TPMT: variants seen among roughly 807,000 people sequenced by gnomAD.
TPMT encodes thiopurine S-methyltransferase, also known as S-adenosyl-L-methionine:thiopurine S-methyltransferase.
A neutral mutation model predicts 34.2 loss-of-function variants in TPMT; 18 were observed. The ratio of observed to expected loss-of-function variants is 0.53; its 90% CI spans 0.36 to 0.78. The LOEUF is 0.78. Among genes scored for constraint, TPMT ranks in the 30% least tolerant of loss-of-function variants. The pLI, the probability that TPMT is intolerant of heterozygous loss-of-function variation, is 0.00. For missense variants in TPMT, 265 were observed against 288.1 expected (o/e 0.92, Z 0.58); for synonymous variants, 69 against 92.4 (o/e 0.75, Z 1.45).
At chr6:18,144,448 G>A (rs1049197528) in intron 3 of TPMT, among the ~76,000 whole-genome samples, 3 of 152,044 alleles carry the variant, frequency 2.0e-5, no homozygotes, top group South Asian at 2.1e-4. Flanking sequence ...GCACAATCTC[G>A]GCTCACTGCA....
At chr6:18,142,158 T>C (rs149453710) in intron 4 of TPMT, among the ~76,000 whole-genome samples, 405 of 151,898 alleles carry the variant, frequency 2.7e-3, no homozygotes, top group Middle Eastern at 6.9e-3. Flanking sequence ...CTCTCGGAAG[T>C]CCCCTCTCTC....
In TPMT at chr6:18,129,745, T is replaced by A. The variant is rs1783900616; in HGVS notation, c.*923A>T. 1 of 152,200 alleles carries A rather than the reference T, an allele frequency of 6.6e-6. No individual in the cohort carries two copies. Among genetic ancestry groups the A allele is most frequent in the South Asian group, 2.1e-4 (1 of 4,834 alleles). 9.4% of individuals were successfully genotyped at this position (152,200 alleles called of 1,614,324 possible). ...TAAAGAAAAATTTATTCTTAGAATTTGGGAATGTTTGTTCCATATAGATTG... is the reference window on the plus strand; with the variant it reads ...TAAAGAAAAATTTATTCTTAGAATTAGGGAATGTTTGTTCCATATAGATTG... On this transcript the variant is annotated 3_prime_UTR_variant, in exon 9 of 9. Coordinates refer to ENST00000309983, the MANE Select transcript of TPMT (RefSeq NM_000367.5).
At position 18,133,795 on chromosome 6, in the gene TPMT, C is replaced by T; in HGVS notation, c.580+9G>A. On this transcript the variant is annotated intron_variant, in intron 7 of 8. Coordinates refer to ENST00000309983, the MANE Select transcript of TPMT (RefSeq NM_000367.5). ...GGTAAAAGAAAAAAAAAAAACCCAACAACTTTACCTGGATGTTTAGTTGGA... is the reference window on the plus strand; with the variant it reads ...GGTAAAAGAAAAAAAAAAAACCCAATAACTTTACCTGGATGTTTAGTTGGA... 2.1e-6 allele frequency: 3 copies of T among 1,451,330 alleles called. No homozygotes were observed. The highest frequency in any genetic ancestry group is 2.8e-6 in the Non-Finnish European group (3 of 1,071,978). The allele number at this position is 1,451,330 out of a possible 1,614,324, so 89.9% of individuals were successfully genotyped here. A position where few individuals can be genotyped will look rare whatever the true frequency, so the allele number is the denominator to read the frequency against.
intron 6 of TPMT, among the ~76,000 whole-genome samples, chr6:18,137,233 G>A (rs2150711301): frequency 6.6e-6 from 1 of 152,176 alleles, no homozygotes; most frequent in East Asian, 1.9e-4. Context: ...CACCTGCCGG[G>A]TTCAAGCAAT....
chr6:18,139,551 C>A lies in TPMT; in HGVS notation c.419+114G>T. The stretch of plus-strand genomic sequence containing the variant: ...TGCAGAACAGACATTCAAAAAAATG[C>A]TTTGTGGATGTTACACAGGAGGAAG... On this transcript the variant is annotated intron_variant, in intron 5 of 8. Transcript: ENST00000309983. This position sits in a 1 kb window ranked among gnomAD's most constrained non-coding sequence, Gnocchi z 4.2. 1 of 848,368 alleles carries A rather than the reference C, an allele frequency of 1.2e-6. No individual in the cohort carries two copies. The highest frequency in any genetic ancestry group is 2.0e-6 in the Non-Finnish European group (1 of 503,582). 52.6% of individuals were successfully genotyped at this position (848,368 alleles called of 1,614,324 possible).
chr6:18,133,736 T>C, intron 7 of TPMT, 68 bp downstream of exon 7: 1 of 1,145,618 alleles, frequency 8.7e-7, no homozygotes, highest in East Asian at 2.4e-5. Flanking sequence ...TTCTTATCCA[T>C]GTCATAGAAT....
rs114594955 is a variant in TPMT, at chr6:18,145,731, G to A, written c.234-2003C>T. ...CCCTACATTTTTTAAGTTATAAAAT[G>A]TAAACAAAAACATTATTCAAATTGG... On this transcript the variant is annotated intron_variant, in intron 3 of 8. Transcript: ENST00000309983. The surrounding 1 kb of genome is among the most constrained non-coding windows in gnomAD (Gnocchi z 5.6). Among the ~76,000 whole-genome samples, 794 of 152,270 alleles carry A rather than the reference G, an allele frequency of 5.2e-3. 6 individuals carry two copies. The highest frequency in any genetic ancestry group is 0.018 in the African/African-American group (748 of 41,560).
At chr6:18,134,138 G>C (rs1012237555) in intron 6 of TPMT, among the ~76,000 whole-genome samples, 2 of 152,210 alleles carry the variant, frequency 1.3e-5, no homozygotes, top group African/African-American at 4.8e-5. Flanking sequence ...GAGCTGATCA[G>C]AGCAGAAGAC....
chr6:18,143,563 T>G lies in TPMT; in HGVS notation c.366+33A>C. 1 of 1,611,568 alleles carries G rather than the reference T, an allele frequency of 6.2e-7. No individual in the cohort carries two copies. The highest frequency in any genetic ancestry group is 8.5e-7 in the Non-Finnish European group (1 of 1,179,754). On this transcript the variant is annotated intron_variant, in intron 4 of 8. Coordinates refer to ENST00000309983, the MANE Select transcript of TPMT (RefSeq NM_000367.5). This position sits in a 1 kb window ranked among gnomAD's most constrained non-coding sequence, Gnocchi z 6.1. ...ACTGAGAAAAACTTTTGTGGGGATA[T>G]GGATACAATTATTTACCCAAATCAA...
At chr6:18,152,501 C>A (rs2150721399) in intron 1 of TPMT, among the ~76,000 whole-genome samples, 2 of 151,958 alleles carry the variant, frequency 1.3e-5, no homozygotes, top group South Asian at 4.2e-4. Context: ...ACTAAGGAAA[C>A]TGAAAAAAGA....
At chr6:18,147,698 A>G in intron 3 of TPMT, 125 bp downstream of exon 3, 1 of 845,516 alleles carries the variant, frequency 1.2e-6, no homozygotes, top group South Asian at 1.5e-5. Flanking sequence ...CCCATCACTA[A>G]TAGAAAAATA....
In TPMT at chr6:18,147,827, T is replaced by C. The variant is rs1561891831; in HGVS notation, c.229A>G (p.Lys77Glu). 1.2e-6 allele frequency: 2 copies of C among 1,613,666 alleles called. 1 individual carries two copies. The highest frequency in any genetic ancestry group is 2.2e-5 in the South Asian group (2 of 91,080). Residue 77 changes from lysine to glutamate, a missense_variant, in exon 3 of 9, where the codon AAA (lysine) becomes GAA (glutamate). Coordinates refer to ENST00000309983, the MANE Select transcript of TPMT (RefSeq NM_000367.5). Reference protein sequence around the residue: ...FPLCGKAVEMKWFADRGHSVV... With the variant: ...FPLCGKAVEMEWFADRGHSVV... ...TTAATGTTTATCTGCTCATACCATT[T>C]CATCTCAACCGCTTTTCCGCAAAGA...
Position 18,132,098 on chromosome 6 carries a change from G to A in TPMT, c.625+35C>T, listed in dbSNP as rs1317314618. 1 of 1,612,010 alleles carries A rather than the reference G, an allele frequency of 6.2e-7. No individual in the cohort carries two copies. The highest frequency in any genetic ancestry group is 1.7e-5 in the Admixed American group (1 of 60,014). The stretch of plus-strand genomic sequence containing the variant: ...GGCCCAAAAGAGTTAACTTGACTTT[G>A]TTTAAAAAGTTACAGCATAAGTCCA... On this transcript the variant is annotated intron_variant, in intron 8 of 8. Coordinates refer to ENST00000309983, the MANE Select transcript of TPMT (RefSeq NM_000367.5). The surrounding 1 kb of genome is among the most constrained non-coding windows in gnomAD (Gnocchi z 4.8).
chr6:18,139,521 A>G lies in TPMT; in HGVS notation c.419+144T>C. 1 of 736,512 alleles carries G rather than the reference A, an allele frequency of 1.4e-6. No individual in the cohort carries two copies. The highest frequency in any genetic ancestry group is 2.3e-5 in the Admixed American group (1 of 43,612). 45.6% of individuals were successfully genotyped at this position (736,512 alleles called of 1,614,324 possible). On this transcript the variant is annotated intron_variant, in intron 5 of 8. Transcript: ENST00000309983. The surrounding 1 kb of genome is among the most constrained non-coding windows in gnomAD (Gnocchi z 4.2). ...GTGTGCAGACGAGTGTGTAATAAAA[A>G]TATCTGCAGAACAGACATTCAAAAA...
In TPMT at chr6:18,149,378, C is replaced by T. The variant is rs992210309; in HGVS notation, c.-44-207G>A. 2.0e-5 allele frequency among the ~76,000 whole-genome samples: 3 copies of T among 152,132 alleles called. No individual in the cohort carries two copies. The highest frequency in any genetic ancestry group is 2.0e-4 in the Admixed American group (3 of 15,262). On this transcript the variant is annotated intron_variant, in intron 1 of 8. Coordinates refer to ENST00000309983, the MANE Select transcript of TPMT (RefSeq NM_000367.5). This position sits in a 1 kb window ranked among gnomAD's most constrained non-coding sequence, Gnocchi z 5.0. ...TGATCTTGGCTCACTGCAACCTCTG[C>T]CTCCCAGGTTCAAGCAATTCTGCTG...
chr6:18,141,311 A>G (rs1186176490), intron 4 of TPMT, among the ~76,000 whole-genome samples: 2 of 151,130 alleles, frequency 1.3e-5, no homozygotes, highest in African/African-American at 4.9e-5. Flanking sequence ...AAAAAATACC[A>G]TCAAGCTTCC....
Position 18,140,998 on chromosome 6 carries a change from G to A in TPMT, c.367-1281C>T, listed in dbSNP as rs1172996423. Among the ~76,000 whole-genome samples the A allele has an allele frequency of 6.6e-6, 1 of 152,164 alleles. No individual in the cohort carries two copies. The highest frequency in any genetic ancestry group is 1.5e-5 in the Non-Finnish European group (1 of 68,038). On this transcript the variant is annotated intron_variant, in intron 4 of 8. Transcript: ENST00000309983. The surrounding 1 kb of genome is among the most constrained non-coding windows in gnomAD (Gnocchi z 4.7). Reference sequence around the variant, plus strand: ...GGGATCACTGGGTCAGCCCAGAGATGGGTGGGCCTGGAGGCAGGAGAACAG... The same window carrying A: ...GGGATCACTGGGTCAGCCCAGAGATAGGTGGGCCTGGAGGCAGGAGAACAG...
chr6:18,147,764 T>A, intron 3 of TPMT, 59 bp downstream of exon 3: 1 of 1,498,758 alleles, frequency 6.7e-7, no homozygotes, highest in Non-Finnish European at 9.3e-7. Flanking sequence ...TCCTGTTAAA[T>A]CACCCAAAGA....
rs1784018161 is a variant in TPMT, at chr6:18,135,024, C to G, written c.495-1135G>C. 6.6e-6 allele frequency among the ~76,000 whole-genome samples: 1 copy of G among 152,198 alleles called. No individual in the cohort carries two copies. Among genetic ancestry groups the G allele is most frequent in the Non-Finnish European group, 1.5e-5 (1 of 68,050 alleles). ...AGGCAAGTGCAGACTCTATGAGATG[C>G]CCAGGCTCAAACCCCAGCTCCTCTA... On this transcript the variant is annotated intron_variant, in intron 6 of 8. Transcript: ENST00000309983. This position sits in a 1 kb window ranked among gnomAD's most constrained non-coding sequence, Gnocchi z 5.0.
Sources: gnomAD v4.1 joint callset for allele counts (sites outside exome capture counted in the v4.1 genomes callset) on GRCh38, gnomAD v4.1.1 for gene constraint, Gnocchi (gnomAD v3.1) non-coding constraint, MANE v1.5 for transcripts, NCBI Gene and HGNC (gene_info 2026-07-23, HGNC 2026-07-21) for gene names.